The following ABCA13 variants were observed in gnomAD, a reference collection of about 807,000 sequenced individuals.
ABCA13 encodes ATP binding cassette subfamily A member 13, also known as ATP-binding cassette sub-family A member 13.
A neutral mutation model predicts 478.7 loss-of-function variants in ABCA13; 476 were observed. The observed-to-expected ratio is 0.99, with a 90% confidence interval of 0.92 to 1.07. The LOEUF is 1.07. Ranked by LOEUF, ABCA13 falls within the 50% of genes least tolerant of loss-of-function variation. ABCA13 has a pLI of 0.00. For missense variants in ABCA13, 6,060 were observed against 5,910.6 expected (o/e 1.03, Z -0.83); for synonymous variants, 2,252 against 2,158.9 (o/e 1.04, Z -1.20).
intron 58 of ABCA13, among the ~76,000 whole-genome samples, chr7:48,598,555 T>C (rs540229621): frequency 5.8e-4 from 88 of 152,302 alleles, no homozygotes; most frequent in Middle Eastern, 6.8e-3. Flanking sequence ...GTTCTTTTTA[T>C]GTAGCAGATA....
chr7:48,547,801 T>C (rs550437550), intron 55 of ABCA13, among the ~76,000 whole-genome samples: 3 of 150,834 alleles, frequency 2.0e-5, no homozygotes, highest in Non-Finnish European at 4.4e-5. Flanking sequence ...TGCCTAGCTG[T>C]AGGCTAATGT....
chr7:48,356,252 T>C (rs1414263260), intron 31 of ABCA13, among the ~76,000 whole-genome samples: 2 of 151,852 alleles, frequency 1.3e-5, no homozygotes, highest in East Asian at 1.9e-4. Context: ...GTAGCTTCCA[T>C]GATGTGGTGA....
chr7:48,226,629 G>T (rs1415821644), intron 5 of ABCA13, among the ~76,000 whole-genome samples: 1 of 152,206 alleles, frequency 6.6e-6, no homozygotes, highest in Non-Finnish European at 1.5e-5. Flanking sequence ...TGGGGTAGTT[G>T]TTACTGGGAT....
chr7:48,607,148 G>C (rs1413592453), intron 58 of ABCA13, among the ~76,000 whole-genome samples: 4 of 152,316 alleles, frequency 2.6e-5, no homozygotes, highest in Non-Finnish European at 5.9e-5. Context: ...GGCTCTGTGG[G>C]GGTGGGACCC....
chr7:48,295,695 T>G lies in ABCA13; in HGVS notation c.8956-5T>G. The G allele has an allele frequency of 6.2e-7, 1 of 1,614,006 alleles. No individual in the cohort carries two copies. Among genetic ancestry groups the G allele is most frequent in the Non-Finnish European group, 8.5e-7 (1 of 1,179,884 alleles). On this transcript the variant is annotated splice_polypyrimidine_tract_variant and splice_region_variant and intron_variant, in intron 20 of 61. Transcript: ENST00000435803. ...TCTAACCTATATCATTGCTATGTTT[T>G]CTAGGAAATTGAAAAGATATGGTCC...
intron 3 of ABCA13, among the ~76,000 whole-genome samples, chr7:48,199,396 A>G (rs1254234219): frequency 6.6e-6 from 1 of 152,188 alleles, no homozygotes; most frequent in African/African-American, 2.4e-5. Flanking sequence ...AACCCTTTCC[A>G]TTATAAATGA....
chr7:48,362,406 CTTCT>C (rs1469291132), intron 31 of ABCA13, among the ~76,000 whole-genome samples: 6 of 104,002 alleles, frequency 5.8e-5, no homozygotes, highest in Non-Finnish European at 7.8e-5. Flanking sequence ...TCTTCCTCTT[CTTCT>C]TTTTTTTTTT....
chr7:48,273,226 A>G lies in ABCA13; in HGVS notation c.3560A>G (p.Glu1187Gly). The G allele has an allele frequency of 6.2e-7, 1 of 1,613,630 alleles. No individual in the cohort carries two copies. The highest frequency in any genetic ancestry group is 8.5e-7 in the Non-Finnish European group (1 of 1,179,732). Residue 1187 changes from glutamate to glycine, a missense_variant, in exon 17 of 62, where the codon GAA becomes GGA. Glu to Gly is a moderately conservative substitution (Grantham distance 98). This residue lies in a region of ABCA13 where 4,423 missense variants were observed against 4,309.1 expected (regional missense o/e 1.03). Transcript: ENST00000435803. ...TTCACTCAGCTTTTGGATGAATTGG[A>G]AGATGATGTGAAAGTCTCTAAAAGC... ...HGFTQLLDEL[E>G]DDVKVSKSCQ...
At chr7:48,293,270 T>C (rs1355037698) in intron 20 of ABCA13, among the ~76,000 whole-genome samples, 2 of 148,496 alleles carry the variant, frequency 1.3e-5, no homozygotes, top group African/African-American at 2.4e-5. Context: ...CTCCAGAGCT[T>C]AGCTCCCAAC....
At chr7:48,301,021 A>G (rs1269255132) in intron 23 of ABCA13, among the ~76,000 whole-genome samples, 1 of 152,218 alleles carries the variant, frequency 6.6e-6, no homozygotes, top group Non-Finnish European at 1.5e-5. Context: ...AGATTGAGAG[A>G]GCAATCAAAA....
At chr7:48,252,234 C>T (rs58376816) in intron 15 of ABCA13, among the ~76,000 whole-genome samples, 4,524 of 152,076 alleles carry the variant, frequency 0.03, 221 homozygotes, top group African/African-American at 0.1. Context: ...GATTGTTTCA[C>T]ATGGCCCATC....
intron 51 of ABCA13, 151 bp from the exon 52 acceptor site, chr7:48,516,574 G>A: frequency 1.4e-6 from 1 of 720,634 alleles, no homozygotes; most frequent in South Asian, 1.9e-5. Context: ...ATCATAGGTT[G>A]TATGTATGGG....
chr7:48,274,783 T>G lies in ABCA13; in HGVS notation c.5117T>G (p.Val1706Gly). ...AGTGTGGGAACTGGCAATTTAGTGG[T>G]CAATTTGCTTGTTGGCTTGATGGAA... Reference protein sequence around the residue: ...ISSVGTGNLVVNLLVGLMEKF... With the variant: ...ISSVGTGNLVGNLLVGLMEKF... The change falls in exon 17 of 62, where the codon GTC (valine) becomes GGC (glycine). Residue 1706 changes from valine (V) to glycine (G), a missense_variant. By Grantham distance (109) the Val-to-Gly change is moderately radical. Coordinates refer to ENST00000435803, the MANE Select transcript of ABCA13 (RefSeq NM_152701.5). 1 of 1,613,984 alleles carries G rather than the reference T, an allele frequency of 6.2e-7. No individual in the cohort carries two copies.
intron 59 of ABCA13, among the ~76,000 whole-genome samples, chr7:48,622,678 G>A (rs1179282508): frequency 6.6e-6 from 1 of 152,030 alleles, no homozygotes; most frequent in Admixed American, 6.5e-5. Context: ...ACTGCTCTGA[G>A]CAAGATATAT....
chr7:48,471,347 T>A (rs1014215421), intron 44 of ABCA13, among the ~76,000 whole-genome samples, 183 bp from the exon 45 acceptor site: 2 of 152,206 alleles, frequency 1.3e-5, no homozygotes, highest in South Asian at 4.1e-4. Context: ...GGCGTTGTAA[T>A]AAAACATTGT....
At chr7:48,622,239 C>A (rs1360400769) in intron 59 of ABCA13, among the ~76,000 whole-genome samples, 1 of 152,160 alleles carries the variant, frequency 6.6e-6, no homozygotes, top group Admixed American at 6.6e-5. Flanking sequence ...CCAAAACACA[C>A]CCTCAAAGGA....
In ABCA13 at chr7:48,192,888, T is replaced by G. The variant is rs1448924000; in HGVS notation, c.70-71T>G. The stretch of plus-strand genomic sequence containing the variant: ...CACAGCAGGGATTAAAATGACCTCC[T>G]TCAAGAGATGAAAATATTGTAATAC... On this transcript the variant is annotated intron_variant, in intron 1 of 61. Transcript: ENST00000435803. 1.8e-5 allele frequency: 22 copies of G among 1,237,156 alleles called. No individual in the cohort carries two copies. In the African/African-American group the frequency reaches 3.1e-4, roughly 17 times the overall value. 76.6% of individuals were successfully genotyped at this position (1,237,156 alleles called of 1,614,324 possible). A position where few individuals can be genotyped will look rare whatever the true frequency, so the allele number is the denominator to read the frequency against.
intron 35 of ABCA13, 133 bp from the exon 36 acceptor site, chr7:48,387,689 C>T (rs778752244): frequency 5.7e-5 from 45 of 790,948 alleles, no homozygotes; most frequent in Non-Finnish European, 8.1e-5. Flanking sequence ...TGGGATATCA[C>T]ATTTTGTATA....
intron 32 of ABCA13, among the ~76,000 whole-genome samples, chr7:48,371,598 T>C (rs1812643869): frequency 6.6e-6 from 1 of 152,178 alleles, no homozygotes; most frequent in Non-Finnish European, 1.5e-5. Flanking sequence ...TTGTTTCCTG[T>C]TGGTGTATAG....
Sources: gnomAD v4.1 joint callset for allele counts (sites outside exome capture counted in the v4.1 genomes callset) on GRCh38, gnomAD v4.1.1 for gene constraint, gnomAD v4.1.1 regional missense constraint, MANE v1.5 for transcripts, NCBI Gene and HGNC (gene_info 2026-07-23, HGNC 2026-07-21) for gene names.